The following CACNA1A variants were observed in gnomAD, a reference collection of about 807,000 sequenced individuals.
CACNA1A encodes the protein voltage-dependent P/Q-type calcium channel subunit alpha-1A.
Under a neutral mutation model 262.4 loss-of-function variants are expected in CACNA1A, and 57 were observed. The observed-to-expected ratio is 0.22, with a 90% CI of 0.18 to 0.27. CACNA1A has a LOEUF of 0.27. CACNA1A is among the 10% of genes least tolerant of loss of function. The pLI is 1.00. For synonymous variants in CACNA1A, 1,431 were observed against 1,419.3 expected (o/e 1.01, Z -0.18); for missense variants, 2,526 against 3,562.8 (o/e 0.71, Z 7.41).
In CACNA1A at chr19:13,308,287, C is replaced by T. The variant is rs144623616; in HGVS notation, c.1782-36G>A. The T allele has an allele frequency of 4.8e-4, 760 of 1,596,238 alleles. 5 individuals are homozygous for T. In the African/African-American group the frequency reaches 9.3e-3, roughly 20 times the overall value. Reference sequence around the variant, plus strand: ...AGGCCAGGCGAGGACTCAGGCCAGGCGGGGGAGGCAGGGCCCCGGAGTCAG... The same window carrying T: ...AGGCCAGGCGAGGACTCAGGCCAGGTGGGGGAGGCAGGGCCCCGGAGTCAG... On this transcript the variant is annotated intron_variant, in intron 13 of 46. Coordinates refer to ENST00000360228, the MANE Select transcript of CACNA1A (RefSeq NM_001127222.2). This position sits in a 1 kb window ranked among gnomAD's most constrained non-coding sequence, Gnocchi z 4.2.
rs1373275320 is a variant in CACNA1A at position 13,241,333 on chromosome 19, G to C, written c.4950+3849C>G. Among the ~76,000 whole-genome samples, 1 of 152,124 alleles carries C rather than the reference G, an allele frequency of 6.6e-6. No individual in the cohort carries two copies. Among genetic ancestry groups the C allele is most frequent in the African/African-American group, 2.4e-5 (1 of 41,418 alleles). ...AACCCGATAAAAACAGAGAGACAGA[G>C]TCTACAGGAAGTGGGAGGCACAGGG... is the stretch of plus-strand genomic sequence containing the variant. On this transcript the variant is annotated intron_variant, in intron 31 of 46. Coordinates refer to ENST00000360228, the MANE Select transcript of CACNA1A (RefSeq NM_001127222.2). This position sits in a 1 kb window ranked among gnomAD's most constrained non-coding sequence, Gnocchi z 4.0.
chr19:13,298,234 G>A (rs1334626752), intron 19 of CACNA1A, among the ~76,000 whole-genome samples: 8 of 150,344 alleles, frequency 5.3e-5, no homozygotes, highest in African/African-American at 7.4e-5. Context: ...GTTTTCAGGC[G>A]ATTCTCCTGC....
chr19:13,311,871 AT>A (rs373860325), intron 12 of CACNA1A, among the ~76,000 whole-genome samples: 1 of 150,318 alleles, frequency 6.7e-6, no homozygotes, highest in African/African-American at 2.5e-5. Flanking sequence ...ATAAAAAAAA[AT>A]AAATAAATTA....
At position 13,376,796 on chromosome 19, in the gene CACNA1A, TA is replaced by T. The variant is rs2059419463; in HGVS notation, c.540-5018del. The stretch of plus-strand genomic sequence containing the variant: ...TAACACATAATATATGTGACATATA[TA>T]CACATAATATATGTTATGTGTGATA... On this transcript the variant is annotated intron_variant, in intron 3 of 46. Transcript: ENST00000360228. Among the ~76,000 whole-genome samples, 5 of 144,866 alleles carry T rather than the reference TA, an allele frequency of 3.5e-5. 1 individual carries two copies. The highest frequency in any genetic ancestry group is 1.3e-4 in the African/African-American group (5 of 38,110).
At chr19:13,371,379 T>G in intron 4 of CACNA1A, 1 of 254,150 alleles carries the variant, frequency 3.9e-6, no homozygotes. Flanking sequence ...CTCCATAAAA[T>G]AGAGACATCA....
intron 24 of CACNA1A, chr19:13,271,978 T>A (rs2057032996): frequency 6.6e-6 from 1 of 152,078 alleles, no homozygotes. Flanking sequence ...TGCCTGGGGT[T>A]TCACCATGTT....
In CACNA1A at chr19:13,236,677, G is replaced by A. The variant is rs1413330343; in HGVS notation, c.4951-947C>T. ...GTGGGTGAGCTCAGAAATCAGCCCG[G>A]GCCCACCAAGGGGCGGGTGCTGGGG... On this transcript the variant is annotated intron_variant, in intron 31 of 46. Coordinates refer to ENST00000360228, the MANE Select transcript of CACNA1A (RefSeq NM_001127222.2). This position sits in a 1 kb window ranked among gnomAD's most constrained non-coding sequence, Gnocchi z 4.6. The A allele has an allele frequency of 6.6e-6, 1 of 152,540 alleles. No homozygotes were observed. The highest frequency in any genetic ancestry group is 1.5e-5 in the Non-Finnish European group (1 of 68,044). 9.4% of individuals were successfully genotyped at this position (152,540 alleles called of 1,614,324 possible). A position where few individuals can be genotyped will look rare whatever the true frequency, so the allele number is the denominator to read the frequency against.
intron 1 of CACNA1A, among the ~76,000 whole-genome samples, chr19:13,460,377 C>T (rs1296789375): frequency 3.9e-5 from 6 of 152,184 alleles, no homozygotes; most frequent in Non-Finnish European, 8.8e-5. Context: ...CTTTCTCCTC[C>T]ACGTTCTGAC....
chr19:13,209,458 A>C lies in CACNA1A; in HGVS notation c.6380T>G (p.Val2127Gly). The C allele has an allele frequency of 7.3e-7, 1 of 1,366,004 alleles. No individual in the cohort carries two copies. The highest frequency in any genetic ancestry group is 9.5e-7 in the Non-Finnish European group (1 of 1,054,208). The allele number at this position is 1,366,004 out of a possible 1,614,324, so 84.6% of individuals were successfully genotyped here. The part of the protein sequence containing the change: ...DTSPMKRSAS[V>G]LGPKARRLDD... ...CAGGCGTCGGGCCTTGGGGCCCAGC[A>C]CGGAGGCTGAACGCTTCATGGGGCT... is the stretch of plus-strand genomic sequence containing the variant. The change falls in exon 45 of 47, where the codon GTG becomes GGG. Residue 2127 changes from valine to glycine, a missense_variant. Physicochemically the swap from Val to Gly is moderately radical, Grantham distance 109 (BLOSUM62 -3). This residue lies in a region of CACNA1A where 929 missense variants were observed against 868.1 expected (regional missense o/e 1.07). Transcript: ENST00000360228.
intron 3 of CACNA1A, among the ~76,000 whole-genome samples, chr19:13,373,048 CAA>C: frequency 6.6e-6 from 1 of 152,176 alleles, no homozygotes; most frequent in East Asian, 1.9e-4. Context: ...AGGCACAATA[CAA>C]TAAAAGAGAC....
chr19:13,371,509 G>A, intron 4 of CACNA1A, 179 bp downstream of exon 4: 2 of 588,926 alleles, frequency 3.4e-6, no homozygotes, highest in Non-Finnish European at 6.1e-6. Context: ...GCTTTCAGGA[G>A]CTCATGGGGA....
Position 13,207,069 on chromosome 19 carries a change from T to C in CACNA1A, c.*244A>G. Reference sequence around the variant, plus strand: ...CCTGCCTCCCACCCGAGAGCCCCTGTCGTGGGTGGGGGGATCGGGGCTGGT... The same window carrying C: ...CCTGCCTCCCACCCGAGAGCCCCTGCCGTGGGTGGGGGGATCGGGGCTGGT... On this transcript the variant is annotated 3_prime_UTR_variant, in exon 47 of 47. Transcript: ENST00000360228. The surrounding 1 kb of genome is among the most constrained non-coding windows in gnomAD (Gnocchi z 5.7). 1 of 289,598 alleles carries C rather than the reference T, an allele frequency of 3.5e-6. No individual in the cohort carries two copies. The highest frequency in any genetic ancestry group is 6.5e-6 in the Non-Finnish European group (1 of 154,920). The allele number at this position is 289,598 out of a possible 1,614,324, so 17.9% of individuals were successfully genotyped here. A position where few individuals can be genotyped will look rare whatever the true frequency, so the allele number is the denominator to read the frequency against.
At chr19:13,357,425 T>C (rs904042559) in intron 6 of CACNA1A, among the ~76,000 whole-genome samples, 15 of 152,214 alleles carry the variant, frequency 9.9e-5, no homozygotes, top group African/African-American at 3.4e-4. Flanking sequence ...GGCCAACCGC[T>C]GGCCTAAACT....
chr19:13,466,011 AG>A (rs1477355314), intron 1 of CACNA1A, among the ~76,000 whole-genome samples: 3 of 151,600 alleles, frequency 2.0e-5, no homozygotes, highest in Non-Finnish European at 2.9e-5. Context: ...GGTGGTGGGG[AG>A]GGGAGAAGGA....
chr19:13,408,061 T>C (rs2060045229), intron 3 of CACNA1A, among the ~76,000 whole-genome samples: 3 of 152,184 alleles, frequency 2.0e-5, no homozygotes, highest in Admixed American at 6.6e-5. Context: ...TGTGGCCTCC[T>C]CAGCCATGCC....
intron 11 of CACNA1A, among the ~76,000 whole-genome samples, chr19:13,313,924 G>A (rs2058079927): frequency 6.6e-6 from 1 of 152,148 alleles, no homozygotes; most frequent in Non-Finnish European, 1.5e-5. Context: ...CCCACCTAAG[G>A]TATGGCTTTT....
At chr19:13,401,256 C>T (rs1271478080) in intron 3 of CACNA1A, among the ~76,000 whole-genome samples, 1 of 152,208 alleles carries the variant, frequency 6.6e-6, no homozygotes. Context: ...GCTCTGCAGC[C>T]AGATTTCCTG....
intron 3 of CACNA1A, among the ~76,000 whole-genome samples, chr19:13,416,283 T>C (rs551393090): frequency 6.6e-6 from 1 of 151,924 alleles, no homozygotes; most frequent in African/African-American, 2.4e-5. Context: ...TTTTATTTTT[T>C]ATAGAGATGG....
At chr19:13,333,047 G>A in intron 8 of CACNA1A, 122 bp from the exon 9 acceptor site, 4 of 692,842 alleles carry the variant, frequency 5.8e-6, no homozygotes, top group Non-Finnish European at 9.9e-6. Flanking sequence ...CAGCTCAACC[G>A]ACCAAAAAAC....
Sources: allele counts gnomAD v4.1 joint callset (sites outside exome capture counted in the v4.1 genomes callset), GRCh38; gene constraint gnomAD v4.1.1; regional missense constraint gnomAD v4.1.1; non-coding constraint Gnocchi (gnomAD v3.1); transcripts MANE v1.5; gene names NCBI Gene and HGNC (gene_info 2026-07-23, HGNC 2026-07-21).